LYRM7: variants seen among roughly 807,000 people sequenced by gnomAD.
LYRM7 encodes the protein complex III assembly factor LYRM7.
LYRM7 carries 9 observed loss-of-function variants against 15.8 expected under a neutral mutation model. That is an observed-to-expected ratio of 0.57 (90% CI 0.34 to 0.99). The LOEUF (loss-of-function observed/expected upper bound fraction) is 0.99, where lower values mean the gene tolerates loss of function less well. Among genes scored for constraint, LYRM7 ranks in the 50% least tolerant of loss-of-function variants. LYRM7 has a pLI of 0.02. For synonymous variants in LYRM7, 39 were observed against 39.4 expected (o/e 0.99, Z 0.04); for missense variants, 115 against 119.1 (o/e 0.97, Z 0.16).
chr5:131,200,785 T>C lies in LYRM7; in HGVS notation c.*1184T>C, dbSNP rs1044350522. ...TGACTTACAGTTATTTTAGTGTCTA[T>C]ATGACATATTTTGAGGAAAGTTGGC... On this transcript the variant is annotated 3_prime_UTR_variant, in exon 5 of 5. Transcript: ENST00000379380. The C allele has an allele frequency of 3.9e-5, 6 of 152,256 alleles. No individual in the cohort carries two copies. Among genetic ancestry groups the C allele is most frequent in the Admixed American group, 1.3e-4 (2 of 15,272 alleles). The allele number at this position is 152,256 out of a possible 1,614,324, so 9.4% of individuals were successfully genotyped here. A position where few individuals can be genotyped will look rare whatever the true frequency, so the allele number is the denominator to read the frequency against.
rs766241507 is a variant in LYRM7 at position 131,182,297 on chromosome 5, G to A, written c.160G>A (p.Glu54Lys). The A allele has an allele frequency of 7.1e-7, 1 of 1,398,772 alleles. No individual in the cohort carries two copies. Among genetic ancestry groups the A allele is most frequent in the Non-Finnish European group, 9.6e-7 (1 of 1,036,650 alleles). 86.6% of individuals were successfully genotyped at this position (1,398,772 alleles called of 1,614,324 possible). A position where few individuals can be genotyped will look rare whatever the true frequency, so the allele number is the denominator to read the frequency against. Residue 54 changes from glutamate to lysine, a missense_variant and splice_region_variant, in exon 3 of 5, where the codon GAG (glutamate) becomes AAG (lysine). By Grantham distance (56) the Glu-to-Lys change is moderately conservative. Transcript: ENST00000379380. ...KSETSSKKIE[E>K]LMKIGSDVEL... Reference sequence around the variant, plus strand: ...TGAAACTTCTTCTAAGAAAATAGAAGAGGTACAGTAATTTTTTCAATTATA... The same window carrying A: ...TGAAACTTCTTCTAAGAAAATAGAAAAGGTACAGTAATTTTTTCAATTATA...
chr5:131,174,669 A>G (rs746518383), intron 1 of LYRM7, among the ~76,000 whole-genome samples: 4 of 152,126 alleles, frequency 2.6e-5, no homozygotes, highest in Non-Finnish European at 4.4e-5. Context: ...AACATGGCAA[A>G]ACCTGTCTCT....
intron 4 of LYRM7, among the ~76,000 whole-genome samples, chr5:131,195,009 A>C (rs960696770): frequency 6.6e-6 from 1 of 152,184 alleles, no homozygotes; most frequent in East Asian, 1.9e-4. Context: ...CACACCTGTT[A>C]TCCCGGCACT....
At chr5:131,198,175 C>A (rs186942229) in intron 4 of LYRM7, among the ~76,000 whole-genome samples, 10 of 152,168 alleles carry the variant, frequency 6.6e-5, no homozygotes, top group African/African-American at 2.2e-4. Context: ...TAAGATACTT[C>A]AGTGTGTATT....
In LYRM7 at chr5:131,181,440, GTA is replaced by G. The variant is rs1309604407; in HGVS notation, c.92-778_92-777del. ...GTTTATATATATATAACATATATAT[GTA>G]TATATATATAAAACATATATATGTA... On this transcript the variant is annotated intron_variant, in intron 2 of 4. Coordinates refer to ENST00000379380, the MANE Select transcript of LYRM7 (RefSeq NM_181705.4). Among the ~76,000 whole-genome samples the G allele has an allele frequency of 3.4e-4, 35 of 104,094 alleles. 1 individual carries two copies. The highest frequency in any genetic ancestry group is 8.3e-4 in the Admixed American group (8 of 9,650). The allele number at this position is 104,094 out of a possible 152,430, so 68.3% of individuals were successfully genotyped here.
intron 1 of LYRM7, among the ~76,000 whole-genome samples, chr5:131,175,812 G>A (rs974997523): frequency 4.0e-5 from 6 of 151,778 alleles, no homozygotes; most frequent in Non-Finnish European, 8.8e-5. Flanking sequence ...AGGCTGGAGT[G>A]CAGTGGCACC....
chr5:131,188,014 T>C (rs887714671), intron 4 of LYRM7, among the ~76,000 whole-genome samples: 1 of 151,908 alleles, frequency 6.6e-6, no homozygotes, highest in Admixed American at 6.6e-5. Context: ...CCCAGCACTT[T>C]GGGAGGCCAA....
At chr5:131,196,241 A>G (rs1755963267) in intron 4 of LYRM7, among the ~76,000 whole-genome samples, 2 of 150,992 alleles carry the variant, frequency 1.3e-5, no homozygotes, top group Non-Finnish European at 3.0e-5. Flanking sequence ...AATAGCTGGG[A>G]CTACCGCTCG....
Position 131,202,478 on chromosome 5 carries a change from A to G in LYRM7, c.*2877A>G, listed in dbSNP as rs1471730945. On this transcript the variant is annotated 3_prime_UTR_variant, in exon 5 of 5. Transcript: ENST00000379380. ...CACTGCACTCCAGCCTGAGAGAACA[A>G]GACTCCGTCTCAAAAAAAGAAAAAA... 6.6e-6 allele frequency: 1 copy of G among 152,220 alleles called. No homozygotes were observed. Among genetic ancestry groups the G allele is most frequent in the East Asian group, 1.9e-4 (1 of 5,188 alleles). The allele number at this position is 152,220 out of a possible 1,614,324, so 9.4% of individuals were successfully genotyped here.
chr5:131,180,107 T>G lies in LYRM7; in HGVS notation c.31T>G (p.Phe11Val). The G allele has an allele frequency of 1.2e-6, 2 of 1,612,274 alleles. No homozygotes were observed. Among genetic ancestry groups the G allele is most frequent in the Non-Finnish European group, 1.7e-6 (2 of 1,178,602 alleles). MGRAVKVLQL[F>V]KTLHRTRQQV... ...ATTTTCTTAACAGGTTTTACAGCTC[T>G]TTAAAACACTGCACAGGACCAGACA... Residue 11 changes from phenylalanine to valine, a missense_variant, in exon 2 of 5, where the codon TTT becomes GTT. Transcript: ENST00000379380.
intron 4 of LYRM7, among the ~76,000 whole-genome samples, chr5:131,198,844 T>A (rs1756013345): frequency 6.6e-6 from 1 of 152,016 alleles, no homozygotes; most frequent in African/African-American, 2.4e-5. Context: ...GTTCTAGGAT[T>A]ACAGCCGTGA....
intron 4 of LYRM7, 47 bp downstream of exon 4, chr5:131,187,156 A>C: frequency 9.5e-7 from 1 of 1,052,622 alleles, no homozygotes; most frequent in African/African-American, 1.6e-5. Flanking sequence ...ATGTGTTTTA[A>C]AATATTGAAT....
chr5:131,201,280 C>T lies in LYRM7; in HGVS notation c.*1679C>T, dbSNP rs1415518286. On this transcript the variant is annotated 3_prime_UTR_variant, in exon 5 of 5. Transcript: ENST00000379380. ...AGTGAACTGAGATTGTGCCACTGCACTCCAGCCTGGGGGACAGAGTGAGAC... is the reference window on the plus strand; with the variant it reads ...AGTGAACTGAGATTGTGCCACTGCATTCCAGCCTGGGGGACAGAGTGAGAC... The T allele has an allele frequency of 2.1e-5, 3 of 144,632 alleles. No individual in the cohort carries two copies. The highest frequency in any genetic ancestry group is 2.0e-4 in the East Asian group (1 of 4,952). The allele number at this position is 144,632 out of a possible 1,614,324, so 9.0% of individuals were successfully genotyped here. A position where few individuals can be genotyped will look rare whatever the true frequency, so the allele number is the denominator to read the frequency against.
At chr5:131,182,016 A>T (rs928715090) in intron 2 of LYRM7, among the ~76,000 whole-genome samples, 1 of 152,190 alleles carries the variant, frequency 6.6e-6, no homozygotes, top group Non-Finnish European at 1.5e-5. Context: ...AGAGTGCCAA[A>T]GGTTTATAGT....
At chr5:131,184,677 T>A in intron 3 of LYRM7, among the ~76,000 whole-genome samples, 1 of 150,534 alleles carries the variant, frequency 6.6e-6, no homozygotes, top group African/African-American at 2.5e-5. Context: ...GACCACCTCC[T>A]CCTCATCTTC....
At chr5:131,178,985 G>T (rs1294594936) in intron 1 of LYRM7, among the ~76,000 whole-genome samples, 3 of 138,672 alleles carry the variant, frequency 2.2e-5, no homozygotes, top group African/African-American at 8.3e-5. Context: ...AAAAAAAAAA[G>T]GGAATAGCAA....
chr5:131,190,264 C>T (rs1482158049), intron 4 of LYRM7, among the ~76,000 whole-genome samples: 1 of 151,996 alleles, frequency 6.6e-6, no homozygotes, highest in Non-Finnish European at 1.5e-5. Context: ...GGTGTGATCT[C>T]GTCTCACTGC....
intron 1 of LYRM7, among the ~76,000 whole-genome samples, chr5:131,174,724 C>G (rs1414040979): frequency 6.6e-6 from 1 of 151,984 alleles, no homozygotes; most frequent in Non-Finnish European, 1.5e-5. Context: ...TGCGCCTGTG[C>G]TCCCAGCAAC....
intron 1 of LYRM7, among the ~76,000 whole-genome samples, chr5:131,174,498 C>T (rs1393988312): frequency 6.6e-6 from 1 of 152,180 alleles, no homozygotes; most frequent in Admixed American, 6.5e-5. Context: ...TTTCAATTTA[C>T]TTTGCCTAAA....
Sources: allele counts gnomAD v4.1 joint callset (sites outside exome capture counted in the v4.1 genomes callset), GRCh38; gene constraint gnomAD v4.1.1; transcripts MANE v1.5; gene names NCBI Gene and HGNC (gene_info 2026-07-23, HGNC 2026-07-21).